The following SPNS3 variants were observed in gnomAD, a reference collection of about 807,000 sequenced individuals.
The protein encoded by SPNS3 is protein spinster homolog 3.
In SPNS3, 51 loss-of-function variants were observed where a neutral mutation model predicts 54.4. The ratio of observed to expected loss-of-function variants is 0.94; its 90% CI spans 0.75 to 1.18. The LOEUF (loss-of-function observed/expected upper bound fraction) is 1.18, where lower values mean the gene tolerates loss of function less well. SPNS3 is among the 50% of genes most tolerant of loss of function. The pLI, the probability that SPNS3 is intolerant of heterozygous loss-of-function variation, is 0.00. For missense variants in SPNS3, 669 were observed against 677.4 expected (o/e 0.99, Z 0.14); for synonymous variants, 309 against 294.7 (o/e 1.05, Z -0.50).
intron 8 of SPNS3, among the ~76,000 whole-genome samples, chr17:4,459,022 T>A (rs549807048): frequency 1.3e-5 from 2 of 152,172 alleles, no homozygotes; most frequent in African/African-American, 4.8e-5. Context: ...TCCTCCCCTC[T>A]CCCTCTCTTT....
At chr17:4,471,869 T>A (rs577323677) in intron 8 of SPNS3, among the ~76,000 whole-genome samples, 1 of 151,668 alleles carries the variant, frequency 6.6e-6, no homozygotes, top group Non-Finnish European at 1.5e-5. Flanking sequence ...GATTTTTTGT[T>A]TTTTTTTGAG....
At chr17:4,477,863 G>A (rs1319874076) in intron 8 of SPNS3, among the ~76,000 whole-genome samples, 1 of 152,140 alleles carries the variant, frequency 6.6e-6, no homozygotes, top group African/African-American at 2.4e-5. Flanking sequence ...CACGGTAGGT[G>A]CCTTATCAGT....
intron 1 of SPNS3, among the ~76,000 whole-genome samples, chr17:4,438,164 G>T (rs908714997): frequency 1.3e-5 from 2 of 152,164 alleles, no homozygotes; most frequent in Middle Eastern, 3.2e-3. Flanking sequence ...AGGTGTGCAC[G>T]CAGGGCTTTC....
chr17:4,477,749 T>C (rs1337808398), intron 8 of SPNS3, among the ~76,000 whole-genome samples: 1 of 152,068 alleles, frequency 6.6e-6, no homozygotes, highest in Non-Finnish European at 1.5e-5. Flanking sequence ...GTCCGCATGA[T>C]GGGTGTACCA....
chr17:4,441,569 G>A (rs955793771), intron 2 of SPNS3, among the ~76,000 whole-genome samples: 1 of 152,064 alleles, frequency 6.6e-6, no homozygotes, highest in Non-Finnish European at 1.5e-5. Flanking sequence ...TGGTGGTTTA[G>A]TCAACATTTC....
At chr17:4,456,512 T>C (rs1265955741) in intron 8 of SPNS3, among the ~76,000 whole-genome samples, 1 of 152,168 alleles carries the variant, frequency 6.6e-6, no homozygotes, top group Non-Finnish European at 1.5e-5. Context: ...GAAGGTTTTT[T>C]CTTTTCATAT....
intron 8 of SPNS3, among the ~76,000 whole-genome samples, chr17:4,472,786 T>A (rs1352162788): frequency 2.7e-5 from 3 of 110,102 alleles, no homozygotes; most frequent in East Asian, 5.0e-4. Context: ...TTTTTTTTTT[T>A]TTTTTTTTTT....
chr17:4,487,883 G>A lies in SPNS3; in HGVS notation c.1528G>A (p.Glu510Lys). 1 of 1,613,906 alleles carries A rather than the reference G, an allele frequency of 6.2e-7. No homozygotes were observed. The highest frequency in any genetic ancestry group is 8.5e-7 in the Non-Finnish European group (1 of 1,179,820). The part of the protein sequence containing the change: ...GLLSGAGAST[E>K]EP ...ACTTTCGGGCGCTGGCGCCTCTACA[G>A]AGGAGCCCTGAGGTCCCTGCCTACA... The change falls in exon 12 of 12, where the codon GAG becomes AAG. Residue 510 changes from glutamate (E) to lysine (K), a missense_variant. Coordinates refer to ENST00000355530, the MANE Select transcript of SPNS3 (RefSeq NM_182538.5).
Position 4,470,834 on chromosome 17 carries a change from A to G in SPNS3, c.1114-7738A>G, listed in dbSNP as rs140112674. 5.7e-3 allele frequency among the ~76,000 whole-genome samples: 868 copies of G among 152,254 alleles called. 9 individuals carry two copies. Among genetic ancestry groups the G allele is most frequent in the African/African-American group, 0.02 (822 of 41,550 alleles). ...TATGAAAGAGGACACCAGCCTTCTT[A>G]TACCTCCTCTCTCCCTTCTCTCCCC... On this transcript the variant is annotated intron_variant, in intron 8 of 11. Transcript: ENST00000355530.
chr17:4,434,012 A>G lies in SPNS3; in HGVS notation c.45A>G (p.Gly15=). 2 of 1,595,754 alleles carry G rather than the reference A, an allele frequency of 1.3e-6. No individual in the cohort carries two copies. Among genetic ancestry groups the G allele is most frequent in the Non-Finnish European group, 8.5e-7 (1 of 1,170,378 alleles). The change falls in exon 1 of 12, where the codon GGA becomes GGG. Residue 15 remains glycine, a synonymous_variant. Coordinates refer to ENST00000355530, the MANE Select transcript of SPNS3 (RefSeq NM_182538.5). ...CGGAGTGCCCTGAGCCTGGGCCAGG[A>G]GGTCTGCAGGGCCAGTCCCCAGGGC... is the stretch of plus-strand genomic sequence containing the variant. ...MSAECPEPGP[G]GLQGQSPGPG... is the part of the protein sequence containing the mutation.
chr17:4,459,991 G>A (rs1971452767), intron 8 of SPNS3, among the ~76,000 whole-genome samples: 1 of 152,126 alleles, frequency 6.6e-6, no homozygotes, highest in Non-Finnish European at 1.5e-5. Context: ...TCTCTGAGAA[G>A]GTAGTTGTTG....
intron 2 of SPNS3, among the ~76,000 whole-genome samples, chr17:4,441,598 T>C (rs1970849218): frequency 6.6e-6 from 1 of 152,142 alleles, no homozygotes; most frequent in Non-Finnish European, 1.5e-5. Context: ...GGTTCTTTTT[T>C]TTTCCTTTTT....
chr17:4,451,884 G>A (rs533610602), intron 7 of SPNS3, among the ~76,000 whole-genome samples: 1 of 150,114 alleles, frequency 6.7e-6, no homozygotes, highest in African/African-American at 2.5e-5. Flanking sequence ...TTGCTGTATC[G>A]GCCAGGCTGG....
intron 8 of SPNS3, among the ~76,000 whole-genome samples, chr17:4,461,714 G>A (rs1308123623): frequency 6.6e-6 from 1 of 152,150 alleles, no homozygotes; most frequent in Non-Finnish European, 1.5e-5. Flanking sequence ...ATTCCAGGAG[G>A]GGTATGAAAG....
chr17:4,473,412 T>C (rs866711219), intron 8 of SPNS3, among the ~76,000 whole-genome samples: 2 of 149,798 alleles, frequency 1.3e-5, no homozygotes, highest in Non-Finnish European at 3.0e-5. Context: ...TTTTTTTTTT[T>C]AAAGAGAGAG....
intron 8 of SPNS3, among the ~76,000 whole-genome samples, chr17:4,458,536 C>CTTCCTTCCT (rs1555530794): frequency 1.1e-5 from 1 of 95,032 alleles, no homozygotes; most frequent in Non-Finnish European, 2.6e-5. Context: ...GCCTTCCTTC[C>CTTCCTTCCT]TTCCTTCCTT....
At chr17:4,460,500 C>T (rs1446523847) in intron 8 of SPNS3, among the ~76,000 whole-genome samples, 4 of 145,634 alleles carry the variant, frequency 2.7e-5, no homozygotes, top group Non-Finnish European at 4.5e-5. Context: ...GGCGTGATCT[C>T]GGCTCACTGC....
chr17:4,438,742 G>A (rs1013031289), intron 1 of SPNS3, among the ~76,000 whole-genome samples: 2 of 152,236 alleles, frequency 1.3e-5, no homozygotes, highest in African/African-American at 4.8e-5. Context: ...AGGGACTTCC[G>A]TTTACACAGT....
rs989981717 is a variant in SPNS3, at chr17:4,435,054, G to A, written c.199+888G>A. 2.6e-5 allele frequency among the ~76,000 whole-genome samples: 4 copies of A among 152,170 alleles called. No individual in the cohort carries two copies. The East Asian group carries it at 5.8e-4, about 22-fold the overall frequency. On this transcript the variant is annotated intron_variant, in intron 1 of 11. Coordinates refer to ENST00000355530, the MANE Select transcript of SPNS3 (RefSeq NM_182538.5). ...AGACCTCAGGTGATCCGCCTGCCTC[G>A]GCCTCCCAAAGTGTTGGGATTATAG...
Sources: gnomAD v4.1 joint callset for allele counts (sites outside exome capture counted in the v4.1 genomes callset) on GRCh38, gnomAD v4.1.1 for gene constraint, MANE v1.5 for transcripts, NCBI Gene and HGNC (gene_info 2026-07-23, HGNC 2026-07-21) for gene names.